PROM1: variants seen among roughly 807,000 people sequenced by gnomAD.
PROM1 encodes the protein prominin 1, also known as prominin-1.
Under a neutral mutation model 116.9 loss-of-function variants are expected in PROM1, and 105 were observed. The observed-to-expected ratio is 0.90, with a 90% CI of 0.77 to 1.06. The LOEUF (loss-of-function observed/expected upper bound fraction) is 1.06. PROM1 is among the 50% of genes least tolerant of loss of function. PROM1 has a pLI of 0.00. For missense variants in PROM1, 1,122 were observed against 1,045.2 expected (o/e 1.07, Z -1.01); for synonymous variants, 393 against 387.0 (o/e 1.02, Z -0.18).
chr4:16,075,816 C>G lies in PROM1; in HGVS notation c.91G>C (p.Ala31Pro). 3 of 1,613,764 alleles carry G rather than the reference C, an allele frequency of 1.9e-6. No individual in the cohort carries two copies. In the Admixed American group the frequency reaches 5.0e-5, roughly 27 times the overall value. Residue 31 changes from alanine to proline, a missense_variant, in exon 2 of 28, where the codon GCT (alanine) becomes CCT (proline). By Grantham distance (27) the Ala-to-Pro change is conservative. Coordinates refer to ENST00000447510, the MANE Select transcript of PROM1 (RefSeq NM_006017.3). The part of the protein sequence containing the change: ...GQPSSTDAPK[A>P]WNYELPATNY... ...GTTGCAGGCAATTCATAATTCCAAGCCTTAGGAGCATCTGTGGATGAAGGC... is the reference window on the plus strand; with the variant it reads ...GTTGCAGGCAATTCATAATTCCAAGGCTTAGGAGCATCTGTGGATGAAGGC...
chr4:16,058,676 G>A (rs1417771087), intron 2 of PROM1, among the ~76,000 whole-genome samples: 4 of 150,612 alleles, frequency 2.7e-5, no homozygotes, highest in Admixed American at 6.6e-5. Context: ...TGAGAACACC[G>A]CATTTAAAAA....
At position 15,993,987 on chromosome 4, in the gene PROM1, C is replaced by T. The variant is rs1187150199; in HGVS notation, c.1767G>A (p.Glu589=). The change falls in exon 16 of 28, where the codon GAG becomes GAA. Residue 589 remains glutamate, a splice_region_variant and synonymous_variant. Transcript: ENST00000447510. ...FNISEHLNIN[E]HTGSISSELE... is the part of the protein sequence containing the mutation. Reference sequence around the variant, plus strand: ...CGATTCCATGACGAGTTCTAATTACCTCATTAATGTTGAGATGTTCACTGA... The same window carrying T: ...CGATTCCATGACGAGTTCTAATTACTTCATTAATGTTGAGATGTTCACTGA... 6.8e-6 allele frequency: 11 copies of T among 1,613,206 alleles called. No individual in the cohort carries two copies. Among genetic ancestry groups the T allele is most frequent in the Non-Finnish European group, 9.3e-6 (11 of 1,179,428 alleles).
chr4:15,986,670 C>T (rs549643754), intron 20 of PROM1, among the ~76,000 whole-genome samples: 3 of 152,318 alleles, frequency 2.0e-5, no homozygotes, highest in East Asian at 1.9e-4. Flanking sequence ...AGCACCTGCA[C>T]GTAGTCACTG....
chr4:15,991,041 AG>A (rs766439154), intron 18 of PROM1, among the ~76,000 whole-genome samples, 180 bp downstream of exon 18: 1 of 152,194 alleles, frequency 6.6e-6, no homozygotes, highest in Non-Finnish European at 1.5e-5. Flanking sequence ...CAAGGCTCAG[AG>A]GGGTTTGGGA....
At chr4:16,061,083 A>G (rs1347104674) in intron 2 of PROM1, among the ~76,000 whole-genome samples, 1 of 152,206 alleles carries the variant, frequency 6.6e-6, no homozygotes, top group African/African-American at 2.4e-5. Flanking sequence ...AGTATTATAA[A>G]CTTGAATTTT....
At chr4:15,983,922 A>T (rs144860848) in intron 23 of PROM1, among the ~76,000 whole-genome samples, 58 of 152,324 alleles carry the variant, frequency 3.8e-4, no homozygotes, top group African/African-American at 1.3e-3. Context: ...ATGAAATTTG[A>T]TGCAACTTTG....
At chr4:16,012,241 C>T (rs1461662919) in intron 11 of PROM1, among the ~76,000 whole-genome samples, 2 of 152,178 alleles carry the variant, frequency 1.3e-5, no homozygotes, top group African/African-American at 4.8e-5. Flanking sequence ...AGGTGACCTA[C>T]CCGCCTTGGC....
intron 8 of PROM1, among the ~76,000 whole-genome samples, chr4:16,019,010 A>C (rs1022002833): frequency 2.0e-5 from 3 of 152,248 alleles, no homozygotes; most frequent in Non-Finnish European, 2.9e-5. Context: ...AGATTCAGGC[A>C]GGTCTAGGCA....
intron 5 of PROM1, among the ~76,000 whole-genome samples, chr4:16,030,925 A>G (rs1202092560): frequency 6.6e-6 from 1 of 151,930 alleles, no homozygotes; most frequent in East Asian, 1.9e-4. Context: ...GCATGCTTGT[A>G]ATCCCAGCTA....
At chr4:15,982,176 A>G (rs3796857) in intron 23 of PROM1, among the ~76,000 whole-genome samples, 93,308 of 152,086 alleles carry the variant, frequency 0.61, 28,943 homozygotes, top group Middle Eastern at 0.67. Flanking sequence ...CCTGCCTTAG[A>G]ATAATGCTGT....
chr4:15,983,324 C>G (rs796909876), intron 23 of PROM1, among the ~76,000 whole-genome samples: 6 of 152,262 alleles, frequency 3.9e-5, no homozygotes, highest in African/African-American at 1.2e-4. Flanking sequence ...CACATGTGAC[C>G]TCTCACTGAA....
At chr4:16,023,215 G>A (rs968254365) in intron 8 of PROM1, 111 bp downstream of exon 8, 19 of 905,458 alleles carry the variant, frequency 2.1e-5, no homozygotes, top group African/African-American at 1.5e-4. Context: ...GGCCACGGAC[G>A]GTGGCTCTCC....
At chr4:16,016,295 C>T (rs1437844159) in intron 9 of PROM1, 55 bp from the exon 10 acceptor site, 1 of 1,370,150 alleles carries the variant, frequency 7.3e-7, no homozygotes, top group Non-Finnish European at 1.0e-6. Flanking sequence ...AAAACAATTC[C>T]TCATGAAGAA....
At chr4:16,055,668 A>T (rs1738827358) in intron 2 of PROM1, among the ~76,000 whole-genome samples, 1 of 152,204 alleles carries the variant, frequency 6.6e-6, no homozygotes, top group Non-Finnish European at 1.5e-5. Flanking sequence ...AACCCCTTAG[A>T]AAGGAAACAG....
chr4:16,025,706 AACACACACACACGC>A (rs1236279740), intron 5 of PROM1, among the ~76,000 whole-genome samples: 1 of 128,854 alleles, frequency 7.8e-6, no homozygotes, highest in East Asian at 2.3e-4. Flanking sequence ...CATGTGTGTG[AACACACACACACGC>A]ACACACACAC....
intron 1 of PROM1, chr4:16,082,636 A>G (rs58485170): frequency 0.18 from 26,709 of 152,254 alleles, 2,986 homozygotes; most frequent in East Asian, 0.3. Context: ...CGGGAAGCCA[A>G]GAGACTCCAG....
chr4:16,072,905 C>T (rs1206913525), intron 2 of PROM1, among the ~76,000 whole-genome samples: 5 of 152,160 alleles, frequency 3.3e-5, no homozygotes, highest in African/African-American at 4.8e-5. Flanking sequence ...GTGACCCCCA[C>T]CCAGGAACTG....
intron 13 of PROM1, among the ~76,000 whole-genome samples, chr4:16,002,661 AAAG>A (rs35642528): frequency 0.033 from 5,073 of 152,278 alleles, 261 homozygotes; most frequent in African/African-American, 0.12. Context: ...GGGAGAGCAC[AAAG>A]AAGAAGTGAG....
At chr4:15,973,248 A>ACCAATATAGTGAATATATAGT (rs1435583009) in intron 26 of PROM1, among the ~76,000 whole-genome samples, 1 of 152,190 alleles carries the variant, frequency 6.6e-6, no homozygotes, top group African/African-American at 2.4e-5. Flanking sequence ...GGAGTTCAAG[A>ACCAATATAGTGAATATATAGT]CCAGCCTGGC....
Sources: gnomAD v4.1 joint callset for allele counts (sites outside exome capture counted in the v4.1 genomes callset) on GRCh38, gnomAD v4.1.1 for gene constraint, MANE v1.5 for transcripts, NCBI Gene and HGNC (gene_info 2026-07-23, HGNC 2026-07-21) for gene names.